BLZF1: variants seen among roughly 807,000 people sequenced by gnomAD.
BLZF1 encodes basic leucine zipper nuclear factor 1.
A neutral mutation model predicts 43.8 loss-of-function variants in BLZF1; 39 were observed. That is an observed-to-expected ratio of 0.89 (90% CI 0.69 to 1.16). The LOEUF is 1.16. Among genes scored for constraint, BLZF1 ranks in the 50% most tolerant of loss-of-function variants. The probability of loss-of-function intolerance (pLI) is 0.00; values close to 1 mark genes in which losing one functional copy is unlikely to be tolerated. For missense variants in BLZF1, 449 were observed against 469.8 expected (o/e 0.96, Z 0.41); for synonymous variants, 136 against 159.4 (o/e 0.85, Z 1.11).
Position 169,387,286 on chromosome 1 carries a change from T to C in BLZF1, c.*104T>C. On this transcript the variant is annotated 3_prime_UTR_variant, in exon 7 of 7. Coordinates refer to ENST00000367808, the MANE Select transcript of BLZF1 (RefSeq NM_001320973.2). ...CAATGCTAGAAATAATATCACTTCCTATTTACATAATGTATACACCCAAAG... is the reference window on the plus strand; with the variant it reads ...CAATGCTAGAAATAATATCACTTCCCATTTACATAATGTATACACCCAAAG... 9.8e-7 allele frequency: 1 copy of C among 1,019,280 alleles called. No homozygotes were observed. The highest frequency in any genetic ancestry group is 1.4e-6 in the Non-Finnish European group (1 of 692,666). The allele number at this position is 1,019,280 out of a possible 1,614,324, so 63.1% of individuals were successfully genotyped here. A position where few individuals can be genotyped will look rare whatever the true frequency, so the allele number is the denominator to read the frequency against.
intron 6 of BLZF1, 21 bp downstream of exon 6, chr1:169,382,302 A>G: frequency 6.3e-7 from 1 of 1,599,588 alleles, no homozygotes; most frequent in South Asian, 1.1e-5. Context: ...TTCTTTTGTG[A>G]TCTATGGAAC....
At position 169,376,659 on chromosome 1, in the gene BLZF1, C is replaced by T. The variant is rs1442357058; in HGVS notation, c.148C>T (p.Pro50Ser). ...TAGAAAGCATCATAGTCTTCAGAGT[C>T]CATGGAAGAAAGCAGTTCCATCAGA... The part of the protein sequence containing the change: ...QSRKHHSLQS[P>S]WKKAVPSESP... The change falls in exon 3 of 7, where the codon CCA (proline) becomes TCA (serine). Residue 50 changes from proline to serine, a missense_variant. Pro to Ser is a moderately conservative substitution (Grantham distance 74, BLOSUM62 -1). Transcript: ENST00000367808. 1 of 1,613,360 alleles carries T rather than the reference C, an allele frequency of 6.2e-7. No individual in the cohort carries two copies. Among genetic ancestry groups the T allele is most frequent in the South Asian group, 1.1e-5 (1 of 91,064 alleles).
chr1:169,381,400 A>C (rs952764257), intron 5 of BLZF1, among the ~76,000 whole-genome samples: 2 of 152,170 alleles, frequency 1.3e-5, no homozygotes, highest in Non-Finnish European at 1.5e-5. Context: ...TAAAAATTAA[A>C]TATTTTCCAG....
At chr1:169,378,207 T>C in intron 3 of BLZF1, 123 bp from the exon 4 acceptor site, 1 of 847,898 alleles carries the variant, frequency 1.2e-6, no homozygotes, top group Non-Finnish European at 1.9e-6. Flanking sequence ...TACTTTTTGA[T>C]AGAAACTTCA....
In BLZF1 at chr1:169,382,122, T is replaced by G; in HGVS notation, c.858T>G (p.Ser286Arg). The G allele has an allele frequency of 6.2e-7, 1 of 1,613,900 alleles. No individual in the cohort carries two copies. The highest frequency in any genetic ancestry group is 8.5e-7 in the Non-Finnish European group (1 of 1,179,794). The change falls in exon 6 of 7, where the codon AGT becomes AGG. Residue 286 changes from serine to arginine, a missense_variant. Ser to Arg is a moderately radical substitution (Grantham distance 110). Transcript: ENST00000367808. ...GAAGAGAGCAAACTTACTCCCCTAG[T>G]GTACAACCCCACAGCACAGCAGAGC... ...QWGREQTYSP[S>R]VQPHSTAELA...
chr1:169,380,732 G>C (rs1654499627), intron 5 of BLZF1, 123 bp downstream of exon 5: 1 of 1,092,666 alleles, frequency 9.2e-7, no homozygotes. Context: ...AACTTACTGA[G>C]CATATACTTT....
At chr1:169,386,928 C>T (rs1006617698) in intron 6 of BLZF1, 69 bp from the exon 7 acceptor site, 2 of 1,115,722 alleles carry the variant, frequency 1.8e-6, no homozygotes, top group Admixed American at 2.4e-5. Context: ...GGTAGGTATA[C>T]ATCAATGAAA....
chr1:169,391,528 G>T (rs143596419), downstream of BLZF1, among the ~76,000 whole-genome samples: 5 of 152,256 alleles, frequency 3.3e-5, no homozygotes, highest in East Asian at 7.7e-4. Flanking sequence ...CCAATAACGA[G>T]ATGCAAATGA....
At chr1:169,393,392 A>C (rs1194977754) in intron 7 of BLZF1, among the ~76,000 whole-genome samples, 1 of 151,828 alleles carries the variant, frequency 6.6e-6, no homozygotes, top group Non-Finnish European at 1.5e-5. Context: ...GTTTGAGACC[A>C]GCCTGACCAA....
intron 2 of BLZF1, among the ~76,000 whole-genome samples, chr1:169,372,210 TAA>T (rs1163436175): frequency 6.7e-6 from 1 of 148,636 alleles, no homozygotes; most frequent in Non-Finnish European, 1.5e-5. Context: ...GGGTGACATT[TAA>T]AAAGACTCTT....
chr1:169,372,973 CA>C (rs1246841016), intron 2 of BLZF1, among the ~76,000 whole-genome samples: 1 of 151,980 alleles, frequency 6.6e-6, no homozygotes, highest in African/African-American at 2.4e-5. Context: ...CCTATGTTAT[CA>C]AAAAATTGTT....
chr1:169,382,725 A>G (rs1212058113), intron 6 of BLZF1, among the ~76,000 whole-genome samples: 1 of 152,198 alleles, frequency 6.6e-6, no homozygotes, highest in African/African-American at 2.4e-5. Context: ...GGGTCCATGC[A>G]GCTGGCTTGT....
chr1:169,393,001 T>C (rs143964749), downstream of BLZF1, among the ~76,000 whole-genome samples: 5 of 152,254 alleles, frequency 3.3e-5, no homozygotes, highest in African/African-American at 7.2e-5. Flanking sequence ...TCTAGCAAAG[T>C]ACTGTGGGAA....
intron 5 of BLZF1, among the ~76,000 whole-genome samples, chr1:169,381,583 C>G (rs1654528814): frequency 6.6e-6 from 1 of 152,010 alleles, no homozygotes; most frequent in South Asian, 2.1e-4. Context: ...TAGCCAAAAC[C>G]CACCAACTAA....
intron 2 of BLZF1, among the ~76,000 whole-genome samples, chr1:169,373,706 C>A (rs1654203964): frequency 6.6e-6 from 1 of 152,110 alleles, no homozygotes; most frequent in Non-Finnish European, 1.5e-5. Context: ...TCTTGATTTT[C>A]CAACAAGGTA....
At chr1:169,377,613 G>C (rs1016719678) in intron 3 of BLZF1, among the ~76,000 whole-genome samples, 2 of 151,928 alleles carry the variant, frequency 1.3e-5, no homozygotes. Flanking sequence ...AAATTTATGT[G>C]TAAAAATTTT....
At chr1:169,369,953 C>G (rs1350314685) in intron 2 of BLZF1, among the ~76,000 whole-genome samples, 1 of 152,194 alleles carries the variant, frequency 6.6e-6, no homozygotes, top group Admixed American at 6.5e-5. Context: ...GTACCACAAA[C>G]TGCATGGCTT....
chr1:169,386,270 T>C (rs1205016678), intron 6 of BLZF1, among the ~76,000 whole-genome samples: 1 of 152,180 alleles, frequency 6.6e-6, no homozygotes, highest in East Asian at 1.9e-4. Flanking sequence ...GATAAAAAGT[T>C]ATCAAGGATT....
At position 169,395,255 on chromosome 1, in the gene BLZF1, C is replaced by G. The variant is rs766760106; in HGVS notation, c.*28-639C>G. ...TTTGGTGAGTATCAACCTGAATACA[C>G]TCTTCATGCTATAAAGTTACTATTA... On this transcript the variant is annotated intron_variant, in intron 7 of 7. Transcript: ENST00000329281. The G allele has an allele frequency of 1.5e-5, 22 of 1,474,012 alleles. No individual in the cohort carries two copies. In the Admixed American group the frequency reaches 4.9e-4, roughly 33 times the overall value. The allele number at this position is 1,474,012 out of a possible 1,614,324, so 91.3% of individuals were successfully genotyped here. A position where few individuals can be genotyped will look rare whatever the true frequency, so the allele number is the denominator to read the frequency against.
Sources: gnomAD v4.1 joint callset for allele counts (sites outside exome capture counted in the v4.1 genomes callset) on GRCh38, gnomAD v4.1.1 for gene constraint, MANE v1.5 for transcripts, NCBI Gene and HGNC (gene_info 2026-07-23, HGNC 2026-07-21) for gene names.